Variants in POLDIP2 observed in about 807,000 individuals in gnomAD.
The protein encoded by POLDIP2 is polymerase delta-interacting protein 2.
In POLDIP2, 32 loss-of-function variants were observed where a neutral mutation model predicts 52.9. The ratio of observed to expected loss-of-function variants is 0.61; its 90% CI spans 0.46 to 0.81. The LOEUF (loss-of-function observed/expected upper bound fraction) is 0.81. POLDIP2 is among the 40% of genes least tolerant of loss of function. POLDIP2 has a pLI of 0.00. For missense variants in POLDIP2, 371 were observed against 477.3 expected (o/e 0.78, Z 2.07); for synonymous variants, 183 against 183.0 (o/e 1.00, Z 0.00).
intron 1 of POLDIP2, among the ~76,000 whole-genome samples, chr17:28,356,561 A>G (rs1908040373): frequency 6.6e-6 from 1 of 152,140 alleles, no homozygotes; most frequent in Admixed American, 6.6e-5. Flanking sequence ...GTTTTTGTTC[A>G]TATTCTCACA....
At position 28,355,775 on chromosome 17, in the gene POLDIP2, T is replaced by C; in HGVS notation, c.243+20A>G. 1 of 1,591,100 alleles carries C rather than the reference T, an allele frequency of 6.3e-7. No individual in the cohort carries two copies. Among genetic ancestry groups the C allele is most frequent in the Non-Finnish European group, 8.6e-7 (1 of 1,163,558 alleles). On this transcript the variant is annotated intron_variant, in intron 2 of 10. Coordinates refer to ENST00000540200, the MANE Select transcript of POLDIP2 (RefSeq NM_015584.5). ...CAGAGCACTCTATGAAAATGAAAGA[T>C]GACCCAGCCCAATACTCACCTGCCC...
chr17:28,348,369 A>G, intron 10 of POLDIP2, 138 bp from the exon 11 acceptor site: 1 of 614,772 alleles, frequency 1.6e-6, no homozygotes. Flanking sequence ...TCATGACAGG[A>G]TGACTGGTCC....
intron 7 of POLDIP2, among the ~76,000 whole-genome samples, chr17:28,351,324 C>T (rs1372305277): frequency 1.3e-5 from 2 of 152,158 alleles, no homozygotes; most frequent in African/African-American, 2.4e-5. Flanking sequence ...TACAGCCAGG[C>T]GATGTGTAAG....
chr17:28,355,040 A>G (rs907934809), intron 2 of POLDIP2, among the ~76,000 whole-genome samples: 64 of 152,248 alleles, frequency 4.2e-4, no homozygotes, highest in African/African-American at 1.4e-3. Flanking sequence ...AATCTATCCC[A>G]GTGGACCCAG....
In POLDIP2 at chr17:28,355,889, GA is replaced by G; in HGVS notation, c.162-14del. The G allele has an allele frequency of 6.2e-7, 1 of 1,602,572 alleles. No individual in the cohort carries two copies. The highest frequency in any genetic ancestry group is 8.5e-7 in the Non-Finnish European group (1 of 1,171,424). ...CTCTGGTCGGTTTCTGAGTAGGAAG[GA>G]AAAGAACAAGCAACAGAAAAGCTGA... On this transcript the variant is annotated splice_polypyrimidine_tract_variant and intron_variant, in intron 1 of 10. Coordinates refer to ENST00000540200, the MANE Select transcript of POLDIP2 (RefSeq NM_015584.5).
In POLDIP2 at chr17:28,357,367, T is replaced by G; in HGVS notation, c.82A>C (p.Arg28=). The change falls in exon 1 of 11, where the codon AGG becomes CGG. Residue 28 remains arginine (R), a synonymous_variant. Transcript: ENST00000540200. ...SRSLTGARWP[R]PLCAAAGAGA... ...GCTCCGGCCGCCGCACAGAGCGGCC[T>G]TGGCCACCGGGCCCCAGTCAGCGAC... The G allele has an allele frequency of 6.4e-7, 1 of 1,554,868 alleles. No individual in the cohort carries two copies. The highest frequency in any genetic ancestry group is 2.2e-4 in the Middle Eastern group (1 of 4,614).
At chr17:28,352,742 T>G (rs1907855253) in intron 6 of POLDIP2, among the ~76,000 whole-genome samples, 170 bp downstream of exon 6, 1 of 151,772 alleles carries the variant, frequency 6.6e-6, no homozygotes, top group Admixed American at 6.6e-5. Context: ...TTTCACCAGG[T>G]TGGCCAGGCC....
At chr17:28,349,030 C>A in intron 10 of POLDIP2, 53 bp downstream of exon 10, 13 of 1,310,682 alleles carry the variant, frequency 9.9e-6, no homozygotes, top group Non-Finnish European at 1.4e-5. Flanking sequence ...TTCTGACCTA[C>A]AGCTTCTGTT....
chr17:28,353,720 A>G lies in POLDIP2; in HGVS notation c.413T>C (p.Ile138Thr), dbSNP rs782485145. The G allele has an allele frequency of 3.7e-6, 6 of 1,612,870 alleles. No individual in the cohort carries two copies. Among genetic ancestry groups the G allele is most frequent in the South Asian group, 1.1e-5 (1 of 91,038 alleles). The stretch of plus-strand genomic sequence containing the variant: ...TATATGTGGGCAGTCACGAGCATCA[A>G]TCAGCACCTGATAGTAAGTGTGAGT... ...GKTHTYYQVL[I>T]DARDCPHISQ... The change falls in exon 4 of 11, where the codon ATT becomes ACT. Residue 138 changes from isoleucine (I) to threonine (T), a missense_variant. Physicochemically the swap from Ile to Thr is moderately conservative, Grantham distance 89. Coordinates refer to ENST00000540200, the MANE Select transcript of POLDIP2 (RefSeq NM_015584.5).
chr17:28,350,704 C>T lies in POLDIP2; in HGVS notation c.786+62G>A, dbSNP rs1446721845. The T allele has an allele frequency of 1.0e-5, 16 of 1,569,952 alleles. 1 individual carries two copies. The East Asian group carries it at 3.5e-4, about 34-fold the overall frequency. On this transcript the variant is annotated intron_variant, in intron 8 of 10. Transcript: ENST00000540200. ...TCTCGTCAGAAGGTGGGCTCCCCCA[C>T]CTCCACCCTGACCCCCAGGCACACC... is the stretch of plus-strand genomic sequence containing the variant.
In POLDIP2 at chr17:28,353,692, T is replaced by C. The variant is rs1555580466; in HGVS notation, c.438+3A>G. 1.9e-6 allele frequency: 3 copies of C among 1,603,736 alleles called. No homozygotes were observed. The highest frequency in any genetic ancestry group is 1.7e-6 in the Non-Finnish European group (2 of 1,171,136). ...CCCAAGCCCAGCCATCTTGCTTACT[T>C]ACTATATGTGGGCAGTCACGAGCAT... On this transcript the variant is annotated splice_donor_region_variant and intron_variant, in intron 4 of 10. Transcript: ENST00000540200.
At position 28,350,461 on chromosome 17, in the gene POLDIP2, G is replaced by C. The variant is rs782740288; in HGVS notation, c.889C>G (p.Arg297Gly). 6.2e-7 allele frequency: 1 copy of C among 1,611,256 alleles called. No homozygotes were observed. The highest frequency in any genetic ancestry group is 2.2e-5 in the East Asian group (1 of 44,810). ...ACCCTGCCCACTACCCCTCGGCCTC[G>C]CACTGTCTCCAAGGTGCCAGAGAGA... Reference protein sequence around the residue: ...FSLSGTLETVRGRGVVGREPV... With the variant: ...FSLSGTLETVGGRGVVGREPV... The change falls in exon 9 of 11, where the codon CGA becomes GGA. Residue 297 changes from arginine to glycine, a missense_variant. Physicochemically the swap from Arg to Gly is moderately radical, Grantham distance 125. Coordinates refer to ENST00000540200, the MANE Select transcript of POLDIP2 (RefSeq NM_015584.5).
At chr17:28,355,185 G>A (rs775275620) in intron 2 of POLDIP2, among the ~76,000 whole-genome samples, 21 of 152,222 alleles carry the variant, frequency 1.4e-4, no homozygotes, top group Non-Finnish European at 2.8e-4. Flanking sequence ...CTATGTTAGA[G>A]AAATCTTCAG....
At chr17:28,354,421 C>A in intron 3 of POLDIP2, 67 bp downstream of exon 3, 1 of 1,110,394 alleles carries the variant, frequency 9.0e-7, no homozygotes, top group Non-Finnish European at 1.3e-6. Context: ...ACCCCTAGTA[C>A]CCCAATTACA....
intron 2 of POLDIP2, among the ~76,000 whole-genome samples, chr17:28,355,384 G>C (rs1555580695): frequency 2.0e-5 from 3 of 152,220 alleles, no homozygotes; most frequent in African/African-American, 7.2e-5. Flanking sequence ...AAGGCAGGTG[G>C]ATCACCTGAG....
At position 28,348,100 on chromosome 17, in the gene POLDIP2, T is replaced by C. The variant is rs1555579301; in HGVS notation, c.*17A>G. On this transcript the variant is annotated 3_prime_UTR_variant, in exon 11 of 11. Transcript: ENST00000540200. The stretch of plus-strand genomic sequence containing the variant: ...CTTCCCGGTGACCAAGCCTGGGCAC[T>C]TGGGGCCTCAGCTGGCCTACCAGTG... 4.0e-6 allele frequency: 6 copies of C among 1,498,670 alleles called. No individual in the cohort carries two copies. The African/African-American group carries it at 6.9e-5, about 17-fold the overall frequency. 92.8% of individuals were successfully genotyped at this position (1,498,670 alleles called of 1,614,324 possible).
At chr17:28,356,047 CCTCCACAGT>C (rs1908014214) in intron 1 of POLDIP2, among the ~76,000 whole-genome samples, 171 bp from the exon 2 acceptor site, 1 of 151,282 alleles carries the variant, frequency 6.6e-6, no homozygotes, top group Non-Finnish European at 1.5e-5. Context: ...TTGGTGAAAA[CCTCCACAGT>C]CTCCCAGTGT....
Position 28,354,545 on chromosome 17 carries a change from A to G in POLDIP2, c.284T>C (p.Leu95Pro). ...ATACAGTCTGGCCTGCCAGGGAAAC[A>G]GGACGACACCTCGGTAGCCAAAAAT... ...HSIFGYRGVV[L>P]FPWQARLYDR... is the part of the protein sequence containing the mutation. The change falls in exon 3 of 11, where the codon CTG (leucine) becomes CCG (proline). Residue 95 changes from leucine to proline, a missense_variant. Leu to Pro is a moderately conservative substitution (Grantham distance 98). Coordinates refer to ENST00000540200, the MANE Select transcript of POLDIP2 (RefSeq NM_015584.5). The G allele has an allele frequency of 6.4e-7, 1 of 1,563,182 alleles. No homozygotes were observed. The highest frequency in any genetic ancestry group is 1.2e-5 in the South Asian group (1 of 84,676).
chr17:28,352,123 TA>T (rs1324965712), intron 6 of POLDIP2, among the ~76,000 whole-genome samples: 1 of 151,792 alleles, frequency 6.6e-6, no homozygotes, highest in Non-Finnish European at 1.5e-5. Flanking sequence ...TCAGTTTCCA[TA>T]TCTGTAAGGA....
Sources: gnomAD v4.1 joint callset for allele counts (sites outside exome capture counted in the v4.1 genomes callset) on GRCh38, gnomAD v4.1.1 for gene constraint, MANE v1.5 for transcripts, NCBI Gene and HGNC (gene_info 2026-07-23, HGNC 2026-07-21) for gene names.